PATJ: variants seen among roughly 807,000 people sequenced by gnomAD.
The protein encoded by PATJ is inaD-like protein.
PATJ carries 190 observed loss-of-function variants against 224.9 expected under a neutral mutation model. The ratio of observed to expected loss-of-function variants is 0.84; its 90% CI spans 0.75 to 0.95. The LOEUF (loss-of-function observed/expected upper bound fraction) is 0.95. Ranked by LOEUF, PATJ falls within the 40% of genes least tolerant of loss-of-function variation. PATJ has a pLI of 0.00. For missense variants in PATJ, 2,121 were observed against 2,270.3 expected, an observed-to-expected ratio of 0.93 and a Z score of 1.34; for synonymous variants, 769 against 820.3, an observed-to-expected ratio of 0.94 and a Z score of 1.07.
intron 27 of PATJ, among the ~76,000 whole-genome samples, chr1:61,985,808 C>G (rs909849888): frequency 2.0e-5 from 3 of 152,020 alleles, no homozygotes; most frequent in Non-Finnish European, 4.4e-5. Context: ...GGGAAAACTT[C>G]TTTCTTCCTT....
intron 43 of PATJ, among the ~76,000 whole-genome samples, chr1:62,158,565 C>T (rs940066122): frequency 1.6e-4 from 23 of 148,228 alleles, no homozygotes; most frequent in African/African-American, 5.4e-4. Context: ...ACTAAAAATA[C>T]AAAAAATTAG....
intron 28 of PATJ, among the ~76,000 whole-genome samples, chr1:62,015,444 G>A (rs192775218): frequency 1.4e-4 from 21 of 152,304 alleles, no homozygotes; most frequent in Admixed American, 7.8e-4. Flanking sequence ...GCTTTGTGAA[G>A]TAGGTACTTA....
intron 42 of PATJ, among the ~76,000 whole-genome samples, chr1:62,151,434 C>CA (rs1377108404): frequency 6.7e-6 from 1 of 149,694 alleles, no homozygotes; most frequent in African/African-American, 2.5e-5. Flanking sequence ...ACTAAAAATA[C>CA]AAAAAAATTA....
At chr1:61,745,017 C>A (rs1307761981) in intron 1 of PATJ, among the ~76,000 whole-genome samples, 1 of 152,120 alleles carries the variant, frequency 6.6e-6, no homozygotes, top group Admixed American at 6.6e-5. Context: ...AGGGGCATGC[C>A]ACCCTCCAGG....
intron 29 of PATJ, among the ~76,000 whole-genome samples, chr1:62,037,392 C>T (rs1474955488): frequency 6.6e-6 from 1 of 152,106 alleles, no homozygotes; most frequent in African/African-American, 2.4e-5. Flanking sequence ...ATCTACTCTA[C>T]TCCATTGGGA....
At chr1:62,023,315 G>A (rs1647195941) in intron 29 of PATJ, among the ~76,000 whole-genome samples, 1 of 150,370 alleles carries the variant, frequency 6.7e-6, no homozygotes, top group South Asian at 2.1e-4. Flanking sequence ...AATCCTTCTT[G>A]TGCTCTTGAT....
At chr1:62,065,552 G>A (rs1444123648) in intron 31 of PATJ, among the ~76,000 whole-genome samples, 1 of 152,104 alleles carries the variant, frequency 6.6e-6, no homozygotes, top group Non-Finnish European at 1.5e-5. Context: ...AGGTTGCAGT[G>A]AGCCAAGATC....
intron 26 of PATJ, among the ~76,000 whole-genome samples, chr1:61,920,140 T>C (rs913022952): frequency 6.6e-6 from 1 of 152,216 alleles, no homozygotes; most frequent in Non-Finnish European, 1.5e-5. Context: ...ATTAAGTACA[T>C]CCAAGTTTAA....
rs781697774 is a variant in PATJ at position 62,017,946 on chromosome 1, A to G, written c.3958A>G (p.Arg1320Gly). 54 of 1,592,234 alleles carry G rather than the reference A, an allele frequency of 3.4e-5. No individual in the cohort carries two copies. Among genetic ancestry groups the G allele is most frequent in the Non-Finnish European group, 4.5e-5 (52 of 1,160,090 alleles). ...ATCAAAGGTCAAGCTGGTTTTCATC[A>G]GGTAAGATTGCTAGATCTGGTTTTG... Reference protein sequence around the residue: ...APSKVKLVFIRNEDAVNQMAV... With the variant: ...APSKVKLVFIGNEDAVNQMAV... The change falls in exon 29 of 44, where the codon AGA (arginine) becomes GGA (glycine). Residue 1320 changes from arginine (R) to glycine (G), a missense_variant and splice_region_variant. Transcript: ENST00000642238.
rs138661795 is a variant in PATJ at position 61,771,560 on chromosome 1, C to T, written c.654C>T (p.Ala218=). ...QTTGSLRLIV[A]REPVHTKSST... ...CTGGATCTTTGAGACTGATTGTGGCCAGGGAACCAGTCCACACAAAAAGCA... is the reference window on the plus strand; with the variant it reads ...CTGGATCTTTGAGACTGATTGTGGCTAGGGAACCAGTCCACACAAAAAGCA... The change falls in exon 6 of 44, where the codon GCC becomes GCT. Residue 218 remains alanine, a synonymous_variant. Coordinates refer to ENST00000642238, the MANE Select transcript of PATJ (RefSeq NM_001350145.3). 2.9e-5 allele frequency: 47 copies of T among 1,613,022 alleles called. No individual in the cohort carries two copies. Among genetic ancestry groups the T allele is most frequent in the Non-Finnish European group, 3.8e-5 (45 of 1,179,708 alleles).
chr1:62,105,166 A>T (rs985126573), intron 33 of PATJ, among the ~76,000 whole-genome samples: 1 of 152,222 alleles, frequency 6.6e-6, no homozygotes, highest in Non-Finnish European at 1.5e-5. Flanking sequence ...TTTATGTAGG[A>T]TAGTTCATTG....
At chr1:61,894,748 CT>C (rs1307309865) in intron 22 of PATJ, among the ~76,000 whole-genome samples, 1 of 152,138 alleles carries the variant, frequency 6.6e-6, no homozygotes, top group Admixed American at 6.5e-5. Context: ...TGGAGTACTG[CT>C]ATAAAGATAA....
intron 27 of PATJ, among the ~76,000 whole-genome samples, chr1:61,961,049 G>C (rs1276135413): frequency 6.6e-6 from 1 of 152,198 alleles, no homozygotes; most frequent in Non-Finnish European, 1.5e-5. Context: ...TAAGCCTAAA[G>C]TTTTCTTCCC....
intron 27 of PATJ, among the ~76,000 whole-genome samples, chr1:61,958,735 G>A (rs150290342): frequency 2.6e-5 from 4 of 152,280 alleles, no homozygotes; most frequent in Admixed American, 2.0e-4. Flanking sequence ...GAATATGGAG[G>A]CCCAGAAATC....
chr1:61,805,454 T>A lies in PATJ; in HGVS notation c.1556T>A (p.Val519Asp). 1 of 1,600,594 alleles carries A rather than the reference T, an allele frequency of 6.2e-7. No individual in the cohort carries two copies. Among genetic ancestry groups the A allele is most frequent in the Non-Finnish European group, 8.6e-7 (1 of 1,167,892 alleles). The stretch of plus-strand genomic sequence containing the variant: ...CTTTTTTTTTAATATCCAGAAAAAG[T>A]CCCAGACTCTCCAGAAAATGAGCTG... ...NIQALEKLEKVPDSPENELKS... is the reference protein window; with the variant it reads ...NIQALEKLEKDPDSPENELKS... Residue 519 changes from valine to aspartate, a missense_variant, in exon 13 of 44, where the codon GTC becomes GAC. Val to Asp is a radical substitution (Grantham distance 152, BLOSUM62 -3). Transcript: ENST00000642238.
intron 31 of PATJ, among the ~76,000 whole-genome samples, chr1:62,065,057 A>G (rs1399759992): frequency 1.3e-5 from 2 of 152,132 alleles, no homozygotes; most frequent in Non-Finnish European, 2.9e-5. Flanking sequence ...ATTGTTCTTT[A>G]TCTCTTGTAT....
intron 16 of PATJ, among the ~76,000 whole-genome samples, chr1:61,831,222 T>TA (rs1016896268): frequency 6.8e-6 from 1 of 146,900 alleles, no homozygotes; most frequent in African/African-American, 2.5e-5. Flanking sequence ...CCTAAAACTA[T>TA]AAAAACCCTG....
At chr1:61,816,017 C>G (rs76303082) in intron 14 of PATJ, among the ~76,000 whole-genome samples, 14,356 of 152,212 alleles carry the variant, frequency 0.094, 925 homozygotes, top group Non-Finnish European at 0.14. Context: ...TCAGTAATAT[C>G]GCTTGTGTGG....
At chr1:61,771,931 A>G (rs1471044603) in intron 6 of PATJ, among the ~76,000 whole-genome samples, 2 of 152,100 alleles carry the variant, frequency 1.3e-5, no homozygotes, top group East Asian at 3.9e-4. Flanking sequence ...CATTTTGGCC[A>G]GGCTGGTCTC....
Sources: allele counts gnomAD v4.1 joint callset (sites outside exome capture counted in the v4.1 genomes callset), GRCh38; gene constraint gnomAD v4.1.1; transcripts MANE v1.5; gene names NCBI Gene and HGNC (gene_info 2026-07-23, HGNC 2026-07-21).